IFNW1: variants seen among roughly 807,000 people sequenced by gnomAD.
The protein encoded by IFNW1 is interferon omega-1.
For missense variants in IFNW1, 293 were observed against 227.7 expected (o/e 1.29, Z -1.84); for synonymous variants, 105 against 88.0 (o/e 1.19, Z -1.08).
rs1554631737 is a variant in IFNW1 at position 21,141,182 on chromosome 9, C to T, written c.389G>A (p.Gly130Glu). 2.5e-6 allele frequency: 4 copies of T among 1,614,184 alleles called. No homozygotes were observed. Among genetic ancestry groups the T allele is most frequent in the Non-Finnish European group, 3.4e-6 (4 of 1,180,032 alleles). ...GCTGCTAATTGCCCCAGCAGATTCT[C>T]CTTCTCCCACTACCTGCAGCAAGCA... is the stretch of plus-strand genomic sequence containing the variant. Reference protein sequence around the residue: ...ETCLLQVVGEGESAGAISSPA... With the variant: ...ETCLLQVVGEEESAGAISSPA... The change falls in exon 1 of 1, where the codon GGA (glycine) becomes GAA (glutamate). Residue 130 changes from glycine to glutamate, a missense_variant. Gly to Glu is a moderately conservative substitution (Grantham distance 98). Coordinates refer to ENST00000380229, the MANE Select transcript of IFNW1 (RefSeq NM_002177.3).
rs985376675 is a variant in IFNW1 at position 21,140,861 on chromosome 9, G to A, written c.*122C>T. ...TTAACATATACTGGCTTAATATACC[G>A]ACAAAGTATTTGCAGAACTAATTCA... On this transcript the variant is annotated 3_prime_UTR_variant, in exon 1 of 1. Transcript: ENST00000380229. The A allele has an allele frequency of 1.3e-5, 9 of 689,254 alleles. No individual in the cohort carries two copies. The highest frequency in any genetic ancestry group is 3.6e-5 in the African/African-American group (2 of 55,472). 42.7% of individuals were successfully genotyped at this position (689,254 alleles called of 1,614,324 possible).
In IFNW1 at chr9:21,141,242, G is replaced by T; in HGVS notation, c.329C>A (p.Thr110Asn). The T allele has an allele frequency of 6.2e-7, 1 of 1,614,194 alleles. No homozygotes were observed. Among genetic ancestry groups the T allele is most frequent in the South Asian group, 1.1e-5 (1 of 91,090 alleles). The change falls in exon 1 of 1, where the codon ACT (threonine) becomes AAT (asparagine). Residue 110 changes from threonine to asparagine, a missense_variant. Coordinates refer to ENST00000380229, the MANE Select transcript of IFNW1 (RefSeq NM_002177.3). ...GTGTTGCAGTTGCTGATGAAGTCCAGTGTGGAGTTGGTCTAGGAGGGTCAT... is the reference window on the plus strand; with the variant it reads ...GTGTTGCAGTTGCTGATGAAGTCCATTGTGGAGTTGGTCTAGGAGGGTCAT... ...WNMTLLDQLH[T>N]GLHQQLQHLE...
Position 21,141,014 on chromosome 9 carries a change from C to G in IFNW1, c.557G>C (p.Arg186Thr). The G allele has an allele frequency of 6.2e-7, 1 of 1,613,602 alleles. No individual in the cohort carries two copies. The highest frequency in any genetic ancestry group is 8.5e-7 in the Non-Finnish European group (1 of 1,179,684). ...FLSTNMQERL[R>T]SKDRDLGSS ...TGAGCCCAGGTCTCTATCTTTACTT[C>G]TCAGTCTTTCTTGCATGTTTGTTGA... The change falls in exon 1 of 1, where the codon AGA becomes ACA. Residue 186 changes from arginine (R) to threonine (T), a missense_variant. Coordinates refer to ENST00000380229, the MANE Select transcript of IFNW1 (RefSeq NM_002177.3).
At chr9:21,141,069 T>A in the IFNW1 span, 1 of 1,614,104 alleles carries the variant, frequency 6.2e-7, no homozygotes, top group African/African-American at 1.3e-5. Context: ...ATTTCCATTC[T>A]GACAACTTCC....
In IFNW1 at chr9:21,141,573, G is replaced by C; in HGVS notation, c.-3C>G. 1 of 1,557,936 alleles carries C rather than the reference G, an allele frequency of 6.4e-7. No homozygotes were observed. The highest frequency in any genetic ancestry group is 8.7e-7 in the Non-Finnish European group (1 of 1,152,080). On this transcript the variant is annotated 5_prime_UTR_variant, in exon 1 of 1. Transcript: ENST00000380229. ...AGTAGAGGGAACAGGAGGGCCATTG[G>C]GAAATGAGGATGCTCCTGGCTTTAC... is the stretch of plus-strand genomic sequence containing the variant.
Position 21,141,201 on chromosome 9 carries a change from G to T in IFNW1, c.370C>A (p.Leu124Met), listed in dbSNP as rs888041391. ...GATTCTCCTTCTCCCACTACCTGCA[G>T]CAAGCAGGTCTCCAGGTGTTGCAGT... The part of the protein sequence containing the change: ...QQLQHLETCL[L>M]QVVGEGESAG... The change falls in exon 1 of 1, where the codon CTG becomes ATG. Residue 124 changes from leucine (L) to methionine (M), a missense_variant. Coordinates refer to ENST00000380229, the MANE Select transcript of IFNW1 (RefSeq NM_002177.3). 2.5e-6 allele frequency: 4 copies of T among 1,613,978 alleles called. No homozygotes were observed. Among genetic ancestry groups the T allele is most frequent in the Non-Finnish European group, 3.4e-6 (4 of 1,179,952 alleles).
At position 21,141,740 on chromosome 9, in the gene IFNW1, G is replaced by A; in HGVS notation, c.-170C>T. 2 of 490,596 alleles carry A rather than the reference G, an allele frequency of 4.1e-6. No homozygotes were observed. Among genetic ancestry groups the A allele is most frequent in the Non-Finnish European group, 7.4e-6 (2 of 271,318 alleles). 30.4% of individuals were successfully genotyped at this position (490,596 alleles called of 1,614,324 possible). A position where few individuals can be genotyped will look rare whatever the true frequency, so the allele number is the denominator to read the frequency against. On this transcript the variant is annotated 5_prime_UTR_variant, in exon 1 of 1. Coordinates refer to ENST00000380229, the MANE Select transcript of IFNW1 (RefSeq NM_002177.3). ...AGTTTCTTTTACTGTTTTCATTTGT[G>A]TGTTCTCCCTATGACCTTAAGAGGA... is the stretch of plus-strand genomic sequence containing the variant.
Position 21,140,870 on chromosome 9 carries a change from T to C in IFNW1, c.*113A>G. 3 of 729,108 alleles carry C rather than the reference T, an allele frequency of 4.1e-6. No homozygotes were observed. In the South Asian group the frequency reaches 5.6e-5, roughly 14 times the overall value. The allele number at this position is 729,108 out of a possible 1,614,324, so 45.2% of individuals were successfully genotyped here. ...ACTGGCTTAATATACCGACAAAGTA[T>C]TTGCAGAACTAATTCAGTCAATTCT... On this transcript the variant is annotated 3_prime_UTR_variant, in exon 1 of 1. Coordinates refer to ENST00000380229, the MANE Select transcript of IFNW1 (RefSeq NM_002177.3).
Position 21,140,962 on chromosome 9 carries a change from A to G in IFNW1, c.*21T>C. 3.9e-6 allele frequency: 6 copies of G among 1,547,780 alleles called. No homozygotes were observed. Among genetic ancestry groups the G allele is most frequent in the Non-Finnish European group, 5.3e-6 (6 of 1,131,344 alleles). Reference sequence around the variant, plus strand: ...TCACATGTGCAAGTGTTATATGGCAAATTAATCAATGAGAATCATTTCAAG... The same window carrying G: ...TCACATGTGCAAGTGTTATATGGCAGATTAATCAATGAGAATCATTTCAAG... On this transcript the variant is annotated 3_prime_UTR_variant, in exon 1 of 1. Coordinates refer to ENST00000380229, the MANE Select transcript of IFNW1 (RefSeq NM_002177.3).
chr9:21,141,623 G>C lies in IFNW1; in HGVS notation c.-53C>G. ...CTGAGCTGGGATATGGCTTAACCTTGGACCCTAGGTTTTCTGAAGACATTG... is the reference window on the plus strand; with the variant it reads ...CTGAGCTGGGATATGGCTTAACCTTCGACCCTAGGTTTTCTGAAGACATTG... On this transcript the variant is annotated 5_prime_UTR_variant, in exon 1 of 1. Coordinates refer to ENST00000380229, the MANE Select transcript of IFNW1 (RefSeq NM_002177.3). The C allele has an allele frequency of 7.9e-7, 1 of 1,270,472 alleles. No individual in the cohort carries two copies. The allele number at this position is 1,270,472 out of a possible 1,614,324, so 78.7% of individuals were successfully genotyped here.
chr9:21,140,932 C>T lies in IFNW1; in HGVS notation c.*51G>A. On this transcript the variant is annotated 3_prime_UTR_variant, in exon 1 of 1. Coordinates refer to ENST00000380229, the MANE Select transcript of IFNW1 (RefSeq NM_002177.3). ...CGAAATAAGAGTCTTTTGAATTGAC[C>T]AGAGTCACATGTGCAAGTGTTATAT... is the stretch of plus-strand genomic sequence containing the variant. The T allele has an allele frequency of 7.9e-7, 1 of 1,265,574 alleles. No individual in the cohort carries two copies. Among genetic ancestry groups the T allele is most frequent in the Non-Finnish European group, 1.1e-6 (1 of 893,260 alleles). 78.4% of individuals were successfully genotyped at this position (1,265,574 alleles called of 1,614,324 possible).
chr9:21,141,625 A>G lies in IFNW1; in HGVS notation c.-55T>C. 4 of 1,244,708 alleles carry G rather than the reference A, an allele frequency of 3.2e-6. No homozygotes were observed. The highest frequency in any genetic ancestry group is 4.5e-6 in the Non-Finnish European group (4 of 894,926). The allele number at this position is 1,244,708 out of a possible 1,614,324, so 77.1% of individuals were successfully genotyped here. On this transcript the variant is annotated 5_prime_UTR_variant, in exon 1 of 1. Coordinates refer to ENST00000380229, the MANE Select transcript of IFNW1 (RefSeq NM_002177.3). ...GAGCTGGGATATGGCTTAACCTTGG[A>G]CCCTAGGTTTTCTGAAGACATTGCT... is the stretch of plus-strand genomic sequence containing the variant.
At position 21,141,734 on chromosome 9, in the gene IFNW1, A is replaced by G. The variant is rs1587880772; in HGVS notation, c.-164T>C. ...ACTTTCAGTTTCTTTTACTGTTTTC[A>G]TTTGTGTGTTCTCCCTATGACCTTA... On this transcript the variant is annotated 5_prime_UTR_variant, in exon 1 of 1. It removes an upstream start codon present in the reference 5' UTR. Transcript: ENST00000380229. The G allele has an allele frequency of 1.2e-5, 6 of 499,200 alleles. No individual in the cohort carries two copies. In the East Asian group the frequency reaches 2.0e-4, roughly 17 times the overall value. The allele number at this position is 499,200 out of a possible 1,614,324, so 30.9% of individuals were successfully genotyped here. A position where few individuals can be genotyped will look rare whatever the true frequency, so the allele number is the denominator to read the frequency against.
Position 21,141,369 on chromosome 9 carries a change from C to G in IFNW1, c.202G>C (p.Gly68Arg), listed in dbSNP as rs373092525. The change falls in exon 1 of 1, where the codon GGG (glycine) becomes CGG (arginine). Residue 68 changes from glycine (G) to arginine (R), a missense_variant. Physicochemically the swap from Gly to Arg is moderately radical, Grantham distance 125. Coordinates refer to ENST00000380229, the MANE Select transcript of IFNW1 (RefSeq NM_002177.3). ...ACATGGGCCTTCTGCAACTGGCTCCCTTTTACCATCTCCTGGGGGAACCTG... is the reference window on the plus strand; with the variant it reads ...ACATGGGCCTTCTGCAACTGGCTCCGTTTTACCATCTCCTGGGGGAACCTG... ...DFRFPQEMVKGSQLQKAHVMS... is the reference protein window; with the variant it reads ...DFRFPQEMVKRSQLQKAHVMS... 6.2e-7 allele frequency: 1 copy of G among 1,613,652 alleles called. No homozygotes were observed. The highest frequency in any genetic ancestry group is 1.7e-5 in the Admixed American group (1 of 59,978).
rs772555423 is a variant in IFNW1, at chr9:21,141,391, C to T, written c.180G>A (p.Arg60=). 14 of 1,613,910 alleles carry T rather than the reference C, an allele frequency of 8.7e-6. No individual in the cohort carries two copies. The highest frequency in any genetic ancestry group is 2.2e-5 in the South Asian group (2 of 91,046). Residue 60 remains arginine (R), a synonymous_variant, in exon 1 of 1, where the codon AGG becomes AGA. Transcript: ENST00000380229. ...FLCLKDRRDF[R]FPQEMVKGSQ... is the part of the protein sequence containing the mutation. ...TCCCTTTTACCATCTCCTGGGGGAA[C>T]CTGAAGTCTCTTCTGTCCTTGAGAC...
Position 21,141,611 on chromosome 9 carries a change from T to C in IFNW1, c.-41A>G, listed in dbSNP as rs1819402925. 6 of 1,398,946 alleles carry C rather than the reference T, an allele frequency of 4.3e-6. No homozygotes were observed. The highest frequency in any genetic ancestry group is 1.8e-4 in the Middle Eastern group (1 of 5,416). The allele number at this position is 1,398,946 out of a possible 1,614,324, so 86.7% of individuals were successfully genotyped here. On this transcript the variant is annotated 5_prime_UTR_variant, in exon 1 of 1. Coordinates refer to ENST00000380229, the MANE Select transcript of IFNW1 (RefSeq NM_002177.3). ...CTCCTGGCTTTACTGAGCTGGGATA[T>C]GGCTTAACCTTGGACCCTAGGTTTT...
Position 21,141,423 on chromosome 9 carries a change from A to G in IFNW1, c.148T>C (p.Phe50Leu). 6.2e-7 allele frequency: 1 copy of G among 1,614,130 alleles called. No individual in the cohort carries two copies. Among genetic ancestry groups the G allele is most frequent in the South Asian group, 1.1e-5 (1 of 91,076 alleles). Residue 50 changes from phenylalanine to leucine, a missense_variant, in exon 1 of 1, where the codon TTC becomes CTC. By Grantham distance (22) the Phe-to-Leu change is conservative. Transcript: ENST00000380229. ...TCTCTTCTGTCCTTGAGACACAAGA[A>G]AGGGGAGATTCTCCTCATTTGGTGC... Reference protein sequence around the residue: ...LLHQMRRISPFLCLKDRRDFR... With the variant: ...LLHQMRRISPLLCLKDRRDFR...
At position 21,140,770 on chromosome 9, in the gene IFNW1, A is replaced by G. The variant is rs1819385950; in HGVS notation, c.*213T>C. 2 of 398,692 alleles carry G rather than the reference A, an allele frequency of 5.0e-6. No homozygotes were observed. The highest frequency in any genetic ancestry group is 1.2e-4 in the South Asian group (2 of 16,364). The allele number at this position is 398,692 out of a possible 1,614,324, so 24.7% of individuals were successfully genotyped here. A position where few individuals can be genotyped will look rare whatever the true frequency, so the allele number is the denominator to read the frequency against. ...AAATAGTATAAATATGATAAAATGT[A>G]AGAATAAATAAATGAGTAAAAATAA... On this transcript the variant is annotated 3_prime_UTR_variant, in exon 1 of 1. Transcript: ENST00000380229.
chr9:21,140,771 A>T lies in IFNW1; in HGVS notation c.*212T>A. 1 of 403,052 alleles carries T rather than the reference A, an allele frequency of 2.5e-6. No homozygotes were observed. The allele number at this position is 403,052 out of a possible 1,614,324, so 25.0% of individuals were successfully genotyped here. A position where few individuals can be genotyped will look rare whatever the true frequency, so the allele number is the denominator to read the frequency against. ...AATAGTATAAATATGATAAAATGTA[A>T]GAATAAATAAATGAGTAAAAATAAA... On this transcript the variant is annotated 3_prime_UTR_variant, in exon 1 of 1. Transcript: ENST00000380229.
Sources: allele counts gnomAD v4.1 joint callset, GRCh38; gene constraint gnomAD v4.1.1; transcripts MANE v1.5; gene names NCBI Gene and HGNC (gene_info 2026-07-23, HGNC 2026-07-21).